The following UVSSA variants were observed in gnomAD, a reference collection of about 807,000 sequenced individuals.
UVSSA encodes UV-stimulated scaffold protein A.
UVSSA carries 72 observed loss-of-function variants against 73.9 expected under a neutral mutation model. The ratio of observed to expected loss-of-function variants is 0.97; its 90% CI spans 0.81 to 1.19. The LOEUF is 1.19. Among genes scored for constraint, UVSSA ranks in the 50% most tolerant of loss-of-function variants. UVSSA has a pLI of 0.00. For missense variants in UVSSA, 1,150 were observed against 965.0 expected, an observed-to-expected ratio of 1.19 and a Z score of -2.54; for synonymous variants, 454 against 391.3, an observed-to-expected ratio of 1.16 and a Z score of -1.89.
At chr4:1,365,679 C>T (rs999768559) in intron 7 of UVSSA, among the ~76,000 whole-genome samples, 1 of 152,246 alleles carries the variant, frequency 6.6e-6, no homozygotes, top group Non-Finnish European at 1.5e-5. Flanking sequence ...GTACTTGTCC[C>T]TTTCTGTCAC....
At chr4:1,355,309 G>C (rs1017742932) in intron 7 of UVSSA, 64 bp downstream of exon 7, 11 of 1,474,998 alleles carry the variant, frequency 7.5e-6, no homozygotes, top group South Asian at 3.7e-5. Flanking sequence ...GAGAAGCTGT[G>C]GGGGGGTTGT....
At chr4:1,358,609 T>A (rs931558252) in intron 7 of UVSSA, 1 of 152,288 alleles carries the variant, frequency 6.6e-6, no homozygotes, top group Non-Finnish European at 1.5e-5. Context: ...CACTGCAGTA[T>A]CTGCCCATCT....
chr4:1,380,351 C>T, intron 11 of UVSSA, 121 bp downstream of exon 11: 1 of 1,279,222 alleles, frequency 7.8e-7, no homozygotes, highest in Non-Finnish European at 1.1e-6. Context: ...CTGAGAAGCC[C>T]ATGGAAGGGG....
At chr4:1,366,998 A>G (rs551699412) in intron 8 of UVSSA, among the ~76,000 whole-genome samples, 165 of 152,206 alleles carry the variant, frequency 1.1e-3, no homozygotes, top group South Asian at 6.2e-4. Flanking sequence ...GGGAGGGGCC[A>G]CCACCCCGCG....
At chr4:1,395,542 C>T (rs763344201) in exon 14 of UVSSA, 6 of 1,599,900 alleles carry the variant, frequency 3.8e-6, no homozygotes, top group African/African-American at 1.4e-5. Context: ...CCCGCCTGCT[C>T]ACACGTGCCC....
At chr4:1,365,456 G>A (rs953477194) in intron 7 of UVSSA, among the ~76,000 whole-genome samples, 5 of 152,348 alleles carry the variant, frequency 3.3e-5, no homozygotes, top group African/African-American at 1.2e-4. Flanking sequence ...GGCAGGGTGG[G>A]CTCAAGGAAC....
intron 11 of UVSSA, chr4:1,380,558 A>T: frequency 6.5e-6 from 8 of 1,228,574 alleles, no homozygotes; most frequent in Non-Finnish European, 8.8e-6. Context: ...AGGAGAGGCC[A>T]GGGGGCCAGG....
In UVSSA at chr4:1,395,843, G is replaced by A. The variant is rs1235686637; in HGVS notation, c.*9882G>A. On this transcript the variant is annotated 3_prime_UTR_variant, in exon 14 of 14. Coordinates refer to the UVSSA transcript ENST00000511216. ...CCTTTTATATTTCTCTGCACCTCGA[G>A]ATAACGTAGGAATATTAGGGATGAG... 4 of 1,613,100 alleles carry A rather than the reference G, an allele frequency of 2.5e-6. No individual in the cohort carries two copies. In the African/African-American group the frequency reaches 4.0e-5, roughly 16 times the overall value.
chr4:1,385,416 GC>G (rs916729269), intron 13 of UVSSA: 7 of 207,278 alleles, frequency 3.4e-5, no homozygotes, highest in East Asian at 1.2e-4. Flanking sequence ...CCTGGCCCGT[GC>G]CCCCCCTGCT....
intron 10 of UVSSA, among the ~76,000 whole-genome samples, chr4:1,378,196 G>A (rs891657741): frequency 2.6e-5 from 4 of 152,194 alleles, no homozygotes; most frequent in African/African-American, 9.6e-5. Context: ...GTGGGAGACA[G>A]GGCTGATGGG....
At position 1,386,083 on chromosome 4, in the gene UVSSA, GA is replaced by G; in HGVS notation, c.*125del. 9.5e-7 allele frequency: 1 copy of G among 1,048,822 alleles called. No homozygotes were observed. The highest frequency in any genetic ancestry group is 1.4e-6 in the Non-Finnish European group (1 of 697,564). The allele number at this position is 1,048,822 out of a possible 1,614,324, so 65.0% of individuals were successfully genotyped here. On this transcript the variant is annotated 3_prime_UTR_variant, in exon 14 of 14. Coordinates refer to ENST00000389851, the MANE Select transcript of UVSSA (RefSeq NM_020894.4). Reference sequence around the variant, plus strand: ...TGTCTATTACTGTGTTTGATGTAAAGAAATGGTGTGTTGCAATGCCCTGAAG... The same window carrying G: ...TGTCTATTACTGTGTTTGATGTAAAGAATGGTGTGTTGCAATGCCCTGAAG...
rs1380308959 is a variant in UVSSA, at chr4:1,349,797, T to A, written c.372T>A (p.Phe124Leu). 1.3e-5 allele frequency: 21 copies of A among 1,593,796 alleles called. No individual in the cohort carries two copies. Among genetic ancestry groups the A allele is most frequent in the Non-Finnish European group, 1.6e-5 (19 of 1,168,478 alleles). The change falls in exon 3 of 14, where the codon TTT (phenylalanine) becomes TTA (leucine). Residue 124 changes from phenylalanine (F) to leucine (L), a missense_variant. Coordinates refer to ENST00000389851, the MANE Select transcript of UVSSA (RefSeq NM_020894.4). ...CCGTGGAAGGGTGGAATGAGAAGTT[T>A]GGGGAGGCCTACAAGAAGCTTGCCT... ...TRAVEGWNEK[F>L]GEAYKKLALG...
At chr4:1,354,528 C>A in intron 5 of UVSSA, 2 of 580,012 alleles carry the variant, frequency 3.4e-6, no homozygotes, top group Middle Eastern at 9.2e-4. Context: ...TGAGGGGAGG[C>A]TTTGGTGTTA....
chr4:1,369,023 C>G (rs1717692701), intron 8 of UVSSA, among the ~76,000 whole-genome samples: 2 of 152,200 alleles, frequency 1.3e-5, no homozygotes, highest in Admixed American at 1.3e-4. Flanking sequence ...GCCTTAGAAG[C>G]TGGGAGCTCC....
intron 8 of UVSSA, among the ~76,000 whole-genome samples, chr4:1,373,205 A>G (rs890252216): frequency 6.6e-6 from 1 of 152,226 alleles, no homozygotes; most frequent in African/African-American, 2.4e-5. Flanking sequence ...CAGCTAATTT[A>G]TATGACCACA....
intron 4 of UVSSA, among the ~76,000 whole-genome samples, chr4:1,352,677 C>T (rs1261064827): frequency 1.3e-5 from 2 of 152,252 alleles, no homozygotes; most frequent in South Asian, 2.1e-4. Context: ...CACGACTGGG[C>T]GCGGTGACTC....
rs1715512807 is a variant in UVSSA, at chr4:1,355,161, C to G, written c.1092C>G (p.Ala364=). Residue 364 remains alanine (A), a synonymous_variant, in exon 7 of 14, where the codon GCC becomes GCG. Transcript: ENST00000389851. Reference sequence around the variant, plus strand: ...CCCACGGTGGATGTTTAAAGCGTGCCATTGACCTGAAGGCTGAATTGGAGC... The same window carrying G: ...CCCACGGTGGATGTTTAAAGCGTGCGATTGACCTGAAGGCTGAATTGGAGC... The part of the protein sequence containing the change: ...VGTHGGCLKR[A]IDLKAELELV... 6.2e-7 allele frequency: 1 copy of G among 1,613,778 alleles called. No homozygotes were observed. The highest frequency in any genetic ancestry group is 2.2e-5 in the East Asian group (1 of 44,888).
chr4:1,355,354 C>A, intron 7 of UVSSA, 109 bp downstream of exon 7: 1 of 1,124,284 alleles, frequency 8.9e-7, no homozygotes. Context: ...ACCCCAGCCA[C>A]ACCCCAAGCC....
chr4:1,361,575 T>A (rs1716635424), intron 7 of UVSSA, among the ~76,000 whole-genome samples: 1 of 152,244 alleles, frequency 6.6e-6, no homozygotes, highest in South Asian at 2.1e-4. Context: ...TCCCGCACGC[T>A]TGCTGCAGTC....
Sources: allele counts gnomAD v4.1 joint callset (sites outside exome capture counted in the v4.1 genomes callset), GRCh38; gene constraint gnomAD v4.1.1; transcripts MANE v1.5; gene names NCBI Gene and HGNC (gene_info 2026-07-23, HGNC 2026-07-21).